The following FGF12 variants were observed in gnomAD, a reference collection of about 807,000 sequenced individuals.
FGF12 encodes fibroblast growth factor 12B.
FGF12 carries 14 observed loss-of-function variants against 23.6 expected under a neutral mutation model. The ratio of observed to expected loss-of-function variants is 0.59; its 90% CI spans 0.39 to 0.93. The LOEUF (loss-of-function observed/expected upper bound fraction) is 0.93. Ranked by LOEUF, FGF12 falls within the 40% of genes least tolerant of loss-of-function variation. FGF12 has a pLI of 0.00. For missense variants in FGF12, 175 were observed against 217.8 expected, an observed-to-expected ratio of 0.80 and a Z score of 1.24; for synonymous variants, 62 against 77.3, an observed-to-expected ratio of 0.80 and a Z score of 1.04.
At chr3:192,257,830 G>C (rs1712496766) in intron 4 of FGF12, among the ~76,000 whole-genome samples, 1 of 151,992 alleles carries the variant, frequency 6.6e-6, no homozygotes, top group Non-Finnish European at 1.5e-5. Context: ...TACAAGATTA[G>C]GGTGAGCAAA....
At chr3:192,387,695 A>G (rs904698498) in intron 2 of FGF12, among the ~76,000 whole-genome samples, 1 of 138,158 alleles carries the variant, frequency 7.2e-6, no homozygotes, top group Non-Finnish European at 1.6e-5. Flanking sequence ...AAAAAAATAC[A>G]AAAAAAAAAT....
At chr3:192,204,182 C>A (rs1717523578) in intron 4 of FGF12, among the ~76,000 whole-genome samples, 1 of 152,138 alleles carries the variant, frequency 6.6e-6, no homozygotes, top group African/African-American at 2.4e-5. Context: ...TAATCCATGT[C>A]TTTTAGCCCC....
chr3:192,280,422 T>G (rs1714074599), intron 4 of FGF12, among the ~76,000 whole-genome samples: 2 of 152,132 alleles, frequency 1.3e-5, no homozygotes, highest in South Asian at 4.1e-4. Flanking sequence ...ATTATAATTA[T>G]CTGTAATTAT....
intron 2 of FGF12, among the ~76,000 whole-genome samples, chr3:192,675,570 C>A (rs899420512): frequency 7.9e-5 from 12 of 152,086 alleles, no homozygotes; most frequent in African/African-American, 2.9e-4. Flanking sequence ...TCATCTGCTC[C>A]ATTTTTGTAG....
chr3:192,384,036 A>G (rs1033238061), intron 2 of FGF12, among the ~76,000 whole-genome samples: 7 of 152,208 alleles, frequency 4.6e-5, no homozygotes, highest in African/African-American at 1.7e-4. Flanking sequence ...GAAAAATGGG[A>G]GTAAAGACTG....
In FGF12 at chr3:192,143,979, T is replaced by G; in HGVS notation, c.*30A>C. 1 of 1,287,858 alleles carries G rather than the reference T, an allele frequency of 7.8e-7. No homozygotes were observed. Among genetic ancestry groups the G allele is most frequent in the Non-Finnish European group, 1.1e-6 (1 of 882,824 alleles). 79.8% of individuals were successfully genotyped at this position (1,287,858 alleles called of 1,614,324 possible). On this transcript the variant is annotated 3_prime_UTR_variant, in exon 6 of 6. Coordinates refer to ENST00000445105, the MANE Select transcript of FGF12 (RefSeq NM_004113.6). ...TGGGAAGGAAGGGAAGGGGAAGGGA[T>G]GAGAGAGGGAAGAAGGGGAGAGTTC...
chr3:192,157,429 A>C (rs907221575), intron 5 of FGF12, among the ~76,000 whole-genome samples: 3 of 152,224 alleles, frequency 2.0e-5, no homozygotes, highest in Non-Finnish European at 4.4e-5. Flanking sequence ...GAGAAATGTG[A>C]AATATATATC....
intron 4 of FGF12, among the ~76,000 whole-genome samples, chr3:192,207,171 T>G (rs1216371192): frequency 6.6e-6 from 1 of 152,202 alleles, no homozygotes; most frequent in Non-Finnish European, 1.5e-5. Context: ...ACGAAAATAA[T>G]ACTTCATAAT....
chr3:192,605,116 C>A (rs1158979016), intron 2 of FGF12, among the ~76,000 whole-genome samples: 1 of 152,104 alleles, frequency 6.6e-6, no homozygotes, highest in East Asian at 1.9e-4. Context: ...CAGTGGCTCA[C>A]ACCTTTAATT....
At chr3:192,201,800 A>C (rs1468798674) in intron 4 of FGF12, among the ~76,000 whole-genome samples, 1 of 152,238 alleles carries the variant, frequency 6.6e-6, no homozygotes, top group Non-Finnish European at 1.5e-5. Flanking sequence ...ATTCTTCATA[A>C]TAGAAGAGCA....
At chr3:192,426,871 C>T (rs73889327) in intron 2 of FGF12, among the ~76,000 whole-genome samples, 2,275 of 152,172 alleles carry the variant, frequency 0.015, 47 homozygotes, top group African/African-American at 0.051. Context: ...AAGTAAATAA[C>T]GGTAGAAACG....
chr3:192,577,747 T>C (rs1712971221), intron 2 of FGF12, among the ~76,000 whole-genome samples: 1 of 152,244 alleles, frequency 6.6e-6, no homozygotes, highest in Non-Finnish European at 1.5e-5. Context: ...ATAACTGTTT[T>C]ACTCATCTTT....
intron 2 of FGF12, among the ~76,000 whole-genome samples, chr3:192,670,307 T>A (rs1717063010): frequency 6.6e-6 from 1 of 152,132 alleles, no homozygotes; most frequent in Admixed American, 6.5e-5. Context: ...GTAATAATTT[T>A]AGTTACTTAT....
intron 4 of FGF12, among the ~76,000 whole-genome samples, chr3:192,266,551 A>G (rs1713089585): frequency 6.6e-6 from 1 of 152,124 alleles, no homozygotes; most frequent in African/African-American, 2.4e-5. Flanking sequence ...TTACCTATGA[A>G]GATATATATT....
At chr3:192,537,950 C>CTTTTTTTTTTTTTCTTTT (rs370317111) in intron 2 of FGF12, among the ~76,000 whole-genome samples, 1 of 121,374 alleles carries the variant, frequency 8.2e-6, no homozygotes, top group Non-Finnish European at 1.8e-5. Flanking sequence ...AGCCTTTAAC[C>CTTTTTTTTTTTTTCTTTT]TTTTTTTTTT....
chr3:192,372,586 T>A (rs1001486912), intron 2 of FGF12, among the ~76,000 whole-genome samples: 1 of 152,056 alleles, frequency 6.6e-6, no homozygotes, highest in East Asian at 1.9e-4. Flanking sequence ...ATCCGGACAT[T>A]TGGGGTCTAA....
At chr3:192,191,378 G>A (rs575783888) in intron 4 of FGF12, among the ~76,000 whole-genome samples, 1 of 152,278 alleles carries the variant, frequency 6.6e-6, no homozygotes, top group South Asian at 2.1e-4. Flanking sequence ...TATTGACTTT[G>A]GTTGATAATG....
At chr3:192,148,693 T>C (rs1479727983) in intron 5 of FGF12, among the ~76,000 whole-genome samples, 3 of 152,210 alleles carry the variant, frequency 2.0e-5, no homozygotes, top group Non-Finnish European at 2.9e-5. Context: ...GAAGTGACTA[T>C]TAAAGCCAGA....
chr3:192,577,047 G>A (rs970350802), intron 2 of FGF12, among the ~76,000 whole-genome samples: 4 of 152,170 alleles, frequency 2.6e-5, no homozygotes, highest in African/African-American at 9.6e-5. Context: ...ACACACCAGG[G>A]CCTGTCGGCG....
Sources: gnomAD v4.1 joint callset for allele counts (sites outside exome capture counted in the v4.1 genomes callset) on GRCh38, gnomAD v4.1.1 for gene constraint, MANE v1.5 for transcripts, NCBI Gene and HGNC (gene_info 2026-07-23, HGNC 2026-07-21) for gene names.